The following ESR1 variants were observed in gnomAD, a reference collection of about 807,000 sequenced individuals.
ESR1 encodes estrogen receptor 1, also known as estrogen receptor.
A neutral mutation model predicts 52.7 loss-of-function variants in ESR1; 12 were observed. The observed-to-expected ratio is 0.23, with a 90% CI of 0.15 to 0.37. ESR1 has a LOEUF of 0.37. Among genes scored for constraint, ESR1 ranks in the 10% least tolerant of loss-of-function variants. The pLI is 1.00. For missense variants in ESR1, 584 were observed against 779.7 expected, an observed-to-expected ratio of 0.75 and a Z score of 2.99; for synonymous variants, 305 against 316.8, an observed-to-expected ratio of 0.96 and a Z score of 0.39.
chr6:151,995,314 A>T (rs2041381077), intron 4 of ESR1, among the ~76,000 whole-genome samples: 1 of 152,058 alleles, frequency 6.6e-6, no homozygotes, highest in African/African-American at 2.4e-5. Context: ...TCTGTCCATC[A>T]GTCTATCTGT....
At chr6:151,848,902 A>G (rs746200926) in intron 2 of ESR1, among the ~76,000 whole-genome samples, 50 of 152,104 alleles carry the variant, frequency 3.3e-4, no homozygotes, top group Non-Finnish European at 6.8e-4. Flanking sequence ...TCTCTCTCCT[A>G]TTCCTTCTCC....
intron 2 of ESR1, among the ~76,000 whole-genome samples, chr6:151,855,973 A>G (rs1219175886): frequency 6.6e-6 from 1 of 152,186 alleles, no homozygotes; most frequent in Non-Finnish European, 1.5e-5. Context: ...CAAAATCGCA[A>G]TTACTTTTGC....
In ESR1 at chr6:151,967,405, A is replaced by G. The variant is rs145141831; in HGVS notation, c.1096+22897A>G. 2.8e-3 allele frequency among the ~76,000 whole-genome samples: 422 copies of G among 151,432 alleles called. 3 individuals carry two copies. Among genetic ancestry groups the G allele is most frequent in the African/African-American group, 9.8e-3 (402 of 41,194 alleles). ...TGTGTCCATGTGTTCTCATTATTCAACTCCCCCTTATGAGTGAGAACATGT... is the reference window on the plus strand; with the variant it reads ...TGTGTCCATGTGTTCTCATTATTCAGCTCCCCCTTATGAGTGAGAACATGT... On this transcript the variant is annotated intron_variant, in intron 4 of 7. Transcript: ENST00000206249.
At chr6:151,985,011 G>A (rs964920289) in intron 4 of ESR1, among the ~76,000 whole-genome samples, 7 of 152,018 alleles carry the variant, frequency 4.6e-5, no homozygotes, top group South Asian at 2.1e-4. Flanking sequence ...AATAATTCCC[G>A]TTTCATGGAG....
At chr6:151,844,592 A>C (rs1313878992) in intron 2 of ESR1, among the ~76,000 whole-genome samples, 1 of 152,234 alleles carries the variant, frequency 6.6e-6, no homozygotes, top group Non-Finnish European at 1.5e-5. Flanking sequence ...ACCTGTAAAC[A>C]CATGGAAGTG....
intron 2 of ESR1, among the ~76,000 whole-genome samples, chr6:151,729,741 T>C (rs1782102627): frequency 6.6e-6 from 1 of 152,126 alleles, no homozygotes; most frequent in Non-Finnish European, 1.5e-5. Flanking sequence ...CCCAAGGTTA[T>C]AGAATTATCA....
At position 151,703,438 on chromosome 6, in the gene ESR1, C is replaced by T. The variant is rs1779946357; in HGVS notation, c.-71+1433C>T. Among the ~76,000 whole-genome samples the T allele has an allele frequency of 1.3e-5, 2 of 152,110 alleles. 1 individual carries two copies. Among genetic ancestry groups the T allele is most frequent in the South Asian group, 4.1e-4 (2 of 4,828 alleles). On this transcript the variant is annotated intron_variant, in intron 2 of 2. Coordinates refer to the ESR1 transcript ENST00000404742. ...ACCCCGCCCCGTGAAACTCCTCTGG[C>T]TTAGGAATTTTAAACAGTTCTAGTT... is the stretch of plus-strand genomic sequence containing the variant.
chr6:152,023,500 A>G (rs1231385525), intron 5 of ESR1, among the ~76,000 whole-genome samples: 1 of 152,200 alleles, frequency 6.6e-6, no homozygotes, highest in Non-Finnish European at 1.5e-5. Flanking sequence ...ATACATCAGT[A>G]GGCATTTACA....
chr6:151,776,773 G>A (rs1188541037), intron 2 of ESR1, among the ~76,000 whole-genome samples: 1 of 151,724 alleles, frequency 6.6e-6, no homozygotes, highest in Non-Finnish European at 1.5e-5. Context: ...GGGAGGCAGA[G>A]GTTGCAGAGA....
At position 151,921,369 on chromosome 6, in the gene ESR1, A is replaced by G. The variant is rs1420321310; in HGVS notation, c.761-22804A>G. 2.0e-5 allele frequency among the ~76,000 whole-genome samples: 3 copies of G among 152,134 alleles called. No individual in the cohort carries two copies. The East Asian group carries it at 5.8e-4, about 29-fold the overall frequency. On this transcript the variant is annotated intron_variant, in intron 3 of 7. Transcript: ENST00000206249. ...TTTGGTTTGATTCCATGCCTTTACT[A>G]TTGTGAATAGTGCTGCAGTGAACAT...
chr6:151,920,415 C>T (rs1013735953), intron 3 of ESR1, among the ~76,000 whole-genome samples: 4 of 151,656 alleles, frequency 2.6e-5, no homozygotes, highest in South Asian at 2.1e-4. Flanking sequence ...CCTCTATTAT[C>T]GACATCTTAC....
intron 2 of ESR1, among the ~76,000 whole-genome samples, chr6:151,750,033 G>T (rs1320428974): frequency 6.6e-6 from 1 of 152,168 alleles, no homozygotes; most frequent in African/African-American, 2.4e-5. Context: ...AGGGAGACAT[G>T]AATATAGATG....
At chr6:151,692,017 G>A (rs1778984053) in intron 1 of ESR1, among the ~76,000 whole-genome samples, 1 of 152,134 alleles carries the variant, frequency 6.6e-6, no homozygotes, top group Non-Finnish European at 1.5e-5. Context: ...TAGGAAAAAA[G>A]CAAAATTTTC....
chr6:152,064,028 G>C (rs2047763745), intron 6 of ESR1, among the ~76,000 whole-genome samples: 1 of 152,204 alleles, frequency 6.6e-6, no homozygotes, highest in Non-Finnish European at 1.5e-5. Context: ...ACAGCTGCTT[G>C]GGAGTGGGAG....
At position 152,039,683 on chromosome 6, in the gene ESR1, A is replaced by G. The variant is rs531317800; in HGVS notation, c.1236-21308A>G. ...CCCATGAATCCTGGCTATGGGAGAA[A>G]CAGTACCAAATACTGGACACTGATC... is the stretch of plus-strand genomic sequence containing the variant. On this transcript the variant is annotated intron_variant, in intron 5 of 7. Transcript: ENST00000206249. 2.0e-5 allele frequency among the ~76,000 whole-genome samples: 3 copies of G among 152,204 alleles called. No individual in the cohort carries two copies. The East Asian group carries it at 5.8e-4, about 29-fold the overall frequency.
chr6:151,795,934 G>A (rs1776655614), intron 2 of ESR1, among the ~76,000 whole-genome samples: 1 of 151,932 alleles, frequency 6.6e-6, no homozygotes, highest in Non-Finnish European at 1.5e-5. Flanking sequence ...GGATCATGAG[G>A]TCAGGAGATC....
At chr6:151,830,777 T>C (rs1451228889) in intron 1 of ESR1, among the ~76,000 whole-genome samples, 1 of 144,514 alleles carries the variant, frequency 6.9e-6, no homozygotes, top group Non-Finnish European at 1.5e-5. Flanking sequence ...GCTTGTATTT[T>C]GGGGTGAAGA....
At chr6:151,700,433 T>C (rs543603254) in intron 1 of ESR1, among the ~76,000 whole-genome samples, 2 of 152,316 alleles carry the variant, frequency 1.3e-5, no homozygotes, top group African/African-American at 2.4e-5. Flanking sequence ...CAATGAAATA[T>C]ACAAGTCCCC....
intron 5 of ESR1, among the ~76,000 whole-genome samples, chr6:152,030,464 C>CA (rs1562696111): frequency 6.6e-6 from 1 of 151,466 alleles, no homozygotes; most frequent in African/African-American, 2.4e-5. Flanking sequence ...AAATGGAAAA[C>CA]AAAAAAAGGC....
Sources: gnomAD v4.1 joint callset for allele counts (sites outside exome capture counted in the v4.1 genomes callset) on GRCh38, gnomAD v4.1.1 for gene constraint, MANE v1.5 for transcripts, NCBI Gene and HGNC (gene_info 2026-07-23, HGNC 2026-07-21) for gene names.